The following LPA variants were observed in gnomAD, a reference collection of about 807,000 sequenced individuals.
The protein encoded by LPA is apolipoprotein(a).
LPA carries 199 observed loss-of-function variants against 197.9 expected under a neutral mutation model. That is an observed-to-expected ratio of 1.01 (90% CI 0.90 to 1.13). The LOEUF (loss-of-function observed/expected upper bound fraction) is 1.13, where lower values mean the gene tolerates loss of function less well. LPA is among the 50% of genes most tolerant of loss of function. The pLI, the probability that LPA is intolerant of heterozygous loss-of-function variation, is 0.00. For synonymous variants in LPA, 715 were observed against 639.5 expected (o/e 1.12, Z -1.78); for missense variants, 1,853 against 1,785.8 (o/e 1.04, Z -0.68).
chr6:160,559,367 G>C (rs1778324496), intron 28 of LPA, among the ~76,000 whole-genome samples: 1 of 152,170 alleles, frequency 6.6e-6, no homozygotes, highest in Non-Finnish European at 1.5e-5. Context: ...GTGCTGAATA[G>C]TATTCAAGTG....
intron 37 of LPA, among the ~76,000 whole-genome samples, chr6:160,537,116 A>G (rs192147486): frequency 6.6e-6 from 1 of 152,212 alleles, no homozygotes; most frequent in East Asian, 1.9e-4. Flanking sequence ...ACTTTAAGAC[A>G]GTTTCAGTTT....
intron 18 of LPA, among the ~76,000 whole-genome samples, chr6:160,604,731 G>C (rs922881681): frequency 6.6e-6 from 1 of 152,130 alleles, no homozygotes; most frequent in African/African-American, 2.4e-5. Context: ...AGGAGAAAAG[G>C]CTGCATTGAA....
chr6:160,655,273 G>A (rs926918626), intron 1 of LPA, among the ~76,000 whole-genome samples: 13 of 152,176 alleles, frequency 8.5e-5, no homozygotes, highest in African/African-American at 3.1e-4. Flanking sequence ...AAGTGGCAGG[G>A]CCTTGCTCCA....
intron 36 of LPA, 74 bp from the exon 37 acceptor site, chr6:160,538,035 G>T: frequency 7.9e-7 from 1 of 1,265,338 alleles, no homozygotes; most frequent in Non-Finnish European, 1.1e-6. Context: ...AGGCATCCCT[G>T]CCTTGAAGCC....
At chr6:160,651,215 C>T (rs1336429055) in intron 1 of LPA, among the ~76,000 whole-genome samples, 2 of 152,154 alleles carry the variant, frequency 1.3e-5, no homozygotes, top group African/African-American at 4.8e-5. Flanking sequence ...TGAAGTGGCT[C>T]CAGGAGATAC....
rs754020853 is a variant in LPA at position 160,547,883 on chromosome 6, G to T, written c.5210C>A (p.Thr1737Asn). 5.4e-5 allele frequency: 87 copies of T among 1,613,960 alleles called. No individual in the cohort carries two copies. The highest frequency in any genetic ancestry group is 1.0e-4 in the Admixed American group (6 of 60,000). Residue 1737 changes from threonine (T) to asparagine (N), a missense_variant, in exon 32 of 39, where the codon ACT (threonine) becomes AAT (asparagine). This residue lies in a region of LPA where 1,737 missense variants were observed against 1,504.4 expected (regional missense o/e 1.15). Transcript: ENST00000316300. ...GYRGKKATTV[T>N]GTPCQEWAAQ... ...AGCCCATTCCTGGCATGGCGTCCCA[G>T]TAACAGTGGTTGCCTTCTTGCCCCG...
At chr6:160,554,072 A>T (rs956266587) in intron 30 of LPA, among the ~76,000 whole-genome samples, 1 of 151,932 alleles carries the variant, frequency 6.6e-6, no homozygotes, top group Non-Finnish European at 1.5e-5. Context: ...CCATCCAGTG[A>T]GTATTTTATT....
rs1473113079 is a variant in LPA, at chr6:160,650,468, C to A, written c.79G>T (p.Asp27Tyr). ...AAPEQSHVVQDCYHGDGQSYR... is the reference protein window; with the variant it reads ...AAPEQSHVVQYCYHGDGQSYR... ...CTCTGTCCATCACCATGGTAGCAATCCTGGACCACATGGCTTTGCTCAGGT... is the reference window on the plus strand; with the variant it reads ...CTCTGTCCATCACCATGGTAGCAATACTGGACCACATGGCTTTGCTCAGGT... Residue 27 changes from aspartate (D) to tyrosine (Y), a missense_variant, in exon 2 of 39, where the codon GAT (aspartate) becomes TAT (tyrosine). Coordinates refer to ENST00000316300, the MANE Select transcript of LPA (RefSeq NM_005577.4). 6.2e-7 allele frequency: 1 copy of A among 1,613,608 alleles called. No homozygotes were observed. Among genetic ancestry groups the A allele is most frequent in the Non-Finnish European group, 8.5e-7 (1 of 1,179,782 alleles).
At chr6:160,611,395 T>A (rs1294233337) in intron 16 of LPA, among the ~76,000 whole-genome samples, 167 bp downstream of exon 16, 1 of 152,028 alleles carries the variant, frequency 6.6e-6, no homozygotes, top group Non-Finnish European at 1.5e-5. Flanking sequence ...GCTTAACATT[T>A]CTCTTCTCTC....
At position 160,611,568 on chromosome 6, in the gene LPA, G is replaced by A. The variant is rs1246665895; in HGVS notation, c.2597C>T (p.Pro866Leu). ...HSHSRTPEYY[P>L]NAGLIMNYCR... The stretch of plus-strand genomic sequence containing the variant: ...GTAAAGAACAAAGACATACGCATTT[G>A]GGTAGTATTCTGGGGTCCGACTATG... The change falls in exon 16 of 39, where the codon CCA (proline) becomes CTA (leucine). Residue 866 changes from proline to leucine, a missense_variant. Pro to Leu is a moderately conservative substitution (Grantham distance 98). This residue lies in a region of LPA where 1,737 missense variants were observed against 1,504.4 expected (regional missense o/e 1.15). Coordinates refer to ENST00000316300, the MANE Select transcript of LPA (RefSeq NM_005577.4). 1 of 1,606,274 alleles carries A rather than the reference G, an allele frequency of 6.2e-7. No homozygotes were observed. The highest frequency in any genetic ancestry group is 8.5e-7 in the Non-Finnish European group (1 of 1,179,032).
At position 160,545,550 on chromosome 6, in the gene LPA, A is replaced by C; in HGVS notation, c.5305-17T>G. 1.3e-6 allele frequency: 2 copies of C among 1,486,222 alleles called. No individual in the cohort carries two copies. The highest frequency in any genetic ancestry group is 1.9e-6 in the Non-Finnish European group (2 of 1,063,498). 92.1% of individuals were successfully genotyped at this position (1,486,222 alleles called of 1,614,324 possible). ...ACGGCAGTACTGAAAACAAGCAGGC[A>C]TGTAAGCTCCAGCTCACGTGGAGCA... is the stretch of plus-strand genomic sequence containing the variant. On this transcript the variant is annotated splice_polypyrimidine_tract_variant and intron_variant, in intron 32 of 38. Coordinates refer to ENST00000316300, the MANE Select transcript of LPA (RefSeq NM_005577.4).
chr6:160,588,193 C>T (rs576740966), intron 24 of LPA, among the ~76,000 whole-genome samples: 16 of 152,038 alleles, frequency 1.1e-4, no homozygotes, highest in South Asian at 4.2e-4. Flanking sequence ...ATAGAAGTAA[C>T]GCAATAGGAA....
Position 160,601,022 on chromosome 6 carries a change from T to A in LPA, c.3022A>T (p.Arg1008Trp), listed in dbSNP as rs1779231142. 6.8e-6 allele frequency: 11 copies of A among 1,614,084 alleles called. No homozygotes were observed. The East Asian group carries it at 2.5e-4, about 36-fold the overall frequency. Reference sequence around the variant, plus strand: ...CGTGTCAGGTTGCAGTACTCCCACCTGACACTGGGATCTGTTGTATAACAC... The same window carrying A: ...CGTGTCAGGTTGCAGTACTCCCACCAGACACTGGGATCTGTTGTATAACAC... ...PWCYTTDPSV[R>W]WEYCNLTRCS... The change falls in exon 19 of 39, where the codon AGG becomes TGG. Residue 1008 changes from arginine (R) to tryptophan (W), a missense_variant. Around this residue, in one of 3 missense-constraint regions of LPA, gnomAD observed 1,737 missense variants for 1,504.4 expected, o/e 1.15. Coordinates refer to ENST00000316300, the MANE Select transcript of LPA (RefSeq NM_005577.4).
chr6:160,626,532 A>T (rs1172621691), intron 10 of LPA, among the ~76,000 whole-genome samples: 19 of 121,686 alleles, frequency 1.6e-4, no homozygotes, highest in Non-Finnish European at 2.5e-4. Context: ...TTCCTCTGAA[A>T]CGTCTAAATT....
At chr6:160,594,513 C>G (rs958526592) in intron 21 of LPA, among the ~76,000 whole-genome samples, 14 of 152,184 alleles carry the variant, frequency 9.2e-5, no homozygotes, top group Non-Finnish European at 1.9e-4. Context: ...GAAACCGTCA[C>G]ACATTTCCCT....
intron 1 of LPA, among the ~76,000 whole-genome samples, chr6:160,657,097 G>A (rs2115109010): frequency 6.6e-6 from 1 of 152,304 alleles, no homozygotes; most frequent in Non-Finnish European, 1.5e-5. Context: ...AAATTTTGTA[G>A]TTGAGTGACT....
At chr6:160,589,983 G>C (rs923159702) in intron 23 of LPA, among the ~76,000 whole-genome samples, 16 of 152,230 alleles carry the variant, frequency 1.1e-4, no homozygotes, top group Non-Finnish European at 2.4e-4. Context: ...TCATGTGCCT[G>C]TTCTTTGGCA....
chr6:160,658,248 C>G (rs998982377), intron 1 of LPA, among the ~76,000 whole-genome samples: 2 of 152,190 alleles, frequency 1.3e-5, no homozygotes, highest in African/African-American at 4.8e-5. Context: ...ATCCCCACTC[C>G]AAGTTCCAGG....
chr6:160,584,076 T>G (rs1169089434), intron 26 of LPA, among the ~76,000 whole-genome samples: 1 of 152,188 alleles, frequency 6.6e-6, no homozygotes, highest in Non-Finnish European at 1.5e-5. Flanking sequence ...TTACTCTGCC[T>G]GACAACCCAT....
Sources: allele counts gnomAD v4.1 joint callset (sites outside exome capture counted in the v4.1 genomes callset), GRCh38; gene constraint gnomAD v4.1.1; regional missense constraint gnomAD v4.1.1; transcripts MANE v1.5; gene names NCBI Gene and HGNC (gene_info 2026-07-23, HGNC 2026-07-21).